PTPRO: variants seen among roughly 807,000 people sequenced by gnomAD.
PTPRO encodes protein tyrosine phosphatase receptor type O.
A neutral mutation model predicts 145.2 loss-of-function variants in PTPRO; 62 were observed. That is an observed-to-expected ratio of 0.43 (90% confidence interval 0.35 to 0.53). PTPRO has a LOEUF of 0.53. PTPRO is among the 20% of genes least tolerant of loss of function. The probability of loss-of-function intolerance (pLI) is 0.01; values close to 1 mark genes in which losing one functional copy is unlikely to be tolerated. For missense variants in PTPRO, 1,345 were observed against 1,482.7 expected, an observed-to-expected ratio of 0.91 and a Z score of 1.53; for synonymous variants, 565 against 514.7, an observed-to-expected ratio of 1.10 and a Z score of -1.32.
chr12:15,523,607 T>G (rs1231549656), intron 10 of PTPRO, among the ~76,000 whole-genome samples: 2 of 152,050 alleles, frequency 1.3e-5, no homozygotes, highest in Non-Finnish European at 2.9e-5. Flanking sequence ...AGACCCTGTC[T>G]CTACAAAAAA....
intron 1 of PTPRO, among the ~76,000 whole-genome samples, chr12:15,357,269 G>A (rs1938025482): frequency 6.6e-6 from 1 of 152,226 alleles, no homozygotes; most frequent in Non-Finnish European, 1.5e-5. Context: ...ACTGATGGCT[G>A]CAGGTGATTG....
chr12:15,489,016 T>G (rs1309865031), intron 2 of PTPRO, among the ~76,000 whole-genome samples: 1 of 152,028 alleles, frequency 6.6e-6, no homozygotes, highest in African/African-American at 2.4e-5. Context: ...ATAGAGACAC[T>G]CTACAAATAT....
chr12:15,364,193 G>T (rs1938291725), intron 1 of PTPRO, among the ~76,000 whole-genome samples: 2 of 152,160 alleles, frequency 1.3e-5, no homozygotes. Context: ...TGATGTACGA[G>T]ACATTTTGAG....
chr12:15,339,051 G>A (rs947632539), intron 1 of PTPRO, among the ~76,000 whole-genome samples: 5 of 152,102 alleles, frequency 3.3e-5, no homozygotes, highest in Non-Finnish European at 5.9e-5. Flanking sequence ...AAGTATTAAC[G>A]TATTAGTTTA....
chr12:15,499,326 A>G (rs561084019), intron 3 of PTPRO, 116 bp from the exon 4 acceptor site: 1 of 1,026,552 alleles, frequency 9.7e-7, no homozygotes, highest in African/African-American at 1.6e-5. Context: ...TGCCCATAAC[A>G]GTAGTTGAAG....
chr12:15,366,811 A>G (rs1388228157), intron 1 of PTPRO, among the ~76,000 whole-genome samples: 1 of 152,194 alleles, frequency 6.6e-6, no homozygotes, highest in African/African-American at 2.4e-5. Flanking sequence ...AAACAAATAA[A>G]TGTCAAATCT....
chr12:15,416,298 T>G (rs1288895146), intron 1 of PTPRO, among the ~76,000 whole-genome samples: 1 of 149,208 alleles, frequency 6.7e-6, no homozygotes, highest in African/African-American at 2.5e-5. Context: ...TAAATCTTGG[T>G]TCCTCTTTCT....
intron 11 of PTPRO, among the ~76,000 whole-genome samples, chr12:15,525,170 G>C (rs191287113): frequency 4.7e-4 from 71 of 152,278 alleles, no homozygotes; most frequent in African/African-American, 1.7e-3. Context: ...AGATGTAAGA[G>C]CTCCAACTAT....
chr12:15,493,327 T>G (rs1942037007), intron 2 of PTPRO, among the ~76,000 whole-genome samples: 1 of 152,044 alleles, frequency 6.6e-6, no homozygotes, highest in South Asian at 2.1e-4. Flanking sequence ...TTAACACCTA[T>G]AGCTCTGAGT....
intron 1 of PTPRO, among the ~76,000 whole-genome samples, chr12:15,416,883 T>C (rs1489409753): frequency 6.6e-6 from 1 of 151,556 alleles, no homozygotes; most frequent in Non-Finnish European, 1.5e-5. Flanking sequence ...CAGAGACAAA[T>C]AGTAATAATA....
chr12:15,580,522 T>A (rs143598622), intron 21 of PTPRO, among the ~76,000 whole-genome samples, 175 bp from the exon 22 acceptor site: 2 of 152,244 alleles, frequency 1.3e-5, no homozygotes, highest in Non-Finnish European at 2.9e-5. Context: ...AGACTAATTA[T>A]GGTCAGTTAT....
intron 1 of PTPRO, among the ~76,000 whole-genome samples, chr12:15,418,119 A>C (rs1940033251): frequency 6.6e-6 from 1 of 151,798 alleles, no homozygotes; most frequent in Non-Finnish European, 1.5e-5. Flanking sequence ...TTTTTCAATG[A>C]AGGAAGTAGC....
At chr12:15,414,285 T>A (rs1332499538) in intron 1 of PTPRO, among the ~76,000 whole-genome samples, 1 of 152,214 alleles carries the variant, frequency 6.6e-6, no homozygotes, top group Non-Finnish European at 1.5e-5. Context: ...TTTCGATTTA[T>A]GTATTACAAG....
intron 1 of PTPRO, among the ~76,000 whole-genome samples, chr12:15,436,488 T>C (rs1230664782): frequency 6.6e-6 from 1 of 152,176 alleles, no homozygotes; most frequent in Non-Finnish European, 1.5e-5. Flanking sequence ...CCCCAGTATG[T>C]GAGAGAGGCA....
At chr12:15,345,684 C>T (rs548393037) in intron 1 of PTPRO, among the ~76,000 whole-genome samples, 2 of 152,116 alleles carry the variant, frequency 1.3e-5, no homozygotes, top group South Asian at 2.1e-4. Context: ...CACCATGGCA[C>T]GTTTATACCT....
intron 1 of PTPRO, among the ~76,000 whole-genome samples, chr12:15,386,097 C>A (rs1389968120): frequency 6.6e-6 from 1 of 151,848 alleles, no homozygotes; most frequent in Non-Finnish European, 1.5e-5. Context: ...AGAGATATAT[C>A]CCCCACTCAA....
At chr12:15,490,122 AG>A (rs1353082481) in intron 2 of PTPRO, among the ~76,000 whole-genome samples, 2 of 152,220 alleles carry the variant, frequency 1.3e-5, no homozygotes, top group African/African-American at 4.8e-5. Flanking sequence ...GAATGGAGAA[AG>A]CTCTCTCTTG....
chr12:15,393,113 G>A (rs532369707), intron 1 of PTPRO, among the ~76,000 whole-genome samples: 7 of 152,188 alleles, frequency 4.6e-5, no homozygotes, highest in South Asian at 2.1e-4. Flanking sequence ...CATGCAGAGC[G>A]AACTCCCTAT....
At chr12:15,494,133 A>G (rs1364782847) in intron 2 of PTPRO, among the ~76,000 whole-genome samples, 1 of 152,232 alleles carries the variant, frequency 6.6e-6, no homozygotes, top group African/African-American at 2.4e-5. Flanking sequence ...ACTTCTGGTC[A>G]TGGTGGGAAA....
Sources: allele counts gnomAD v4.1 joint callset (sites outside exome capture counted in the v4.1 genomes callset), GRCh38; gene constraint gnomAD v4.1.1; transcripts MANE v1.5; gene names NCBI Gene and HGNC (gene_info 2026-07-23, HGNC 2026-07-21).